Variants in PLEKHA3 observed in about 807,000 individuals in gnomAD.
The protein encoded by PLEKHA3 is pleckstrin homology domain containing A3, also known as pleckstrin homology domain-containing family A member 3.
PLEKHA3 carries 19 observed loss-of-function variants against 39.2 expected under a neutral mutation model. The ratio of observed to expected loss-of-function variants is 0.48; its 90% confidence interval spans 0.34 to 0.71. The LOEUF (loss-of-function observed/expected upper bound fraction) is 0.71, where lower values mean the gene tolerates loss of function less well. PLEKHA3 is among the 30% of genes least tolerant of loss of function. PLEKHA3 has a pLI of 0.01. For missense variants in PLEKHA3, 253 were observed against 359.5 expected, an observed-to-expected ratio of 0.70 and a Z score of 2.40; for synonymous variants, 97 against 118.6, an observed-to-expected ratio of 0.82 and a Z score of 1.18.
rs1189736826 is a variant in PLEKHA3 at position 178,504,672 on chromosome 2, TAAAC to T, written c.*788_*791del. 2.6e-5 allele frequency: 4 copies of T among 152,346 alleles called. No individual in the cohort carries two copies. Among genetic ancestry groups the T allele is most frequent in the African/African-American group, 9.6e-5 (4 of 41,564 alleles). The allele number at this position is 152,346 out of a possible 1,614,324, so 9.4% of individuals were successfully genotyped here. A position where few individuals can be genotyped will look rare whatever the true frequency, so the allele number is the denominator to read the frequency against. ...ACTTTGCTCACTTACACTAGAGAAA[TAAAC>T]AACTTTCAATGGAAGAGAATTTTAG... On this transcript the variant is annotated 3_prime_UTR_variant, in exon 8 of 8. Transcript: ENST00000234453.
intron 1 of PLEKHA3, 91 bp downstream of exon 1, chr2:178,481,000 G>A (rs983510770): frequency 8.4e-7 from 1 of 1,184,454 alleles, no homozygotes; most frequent in African/African-American, 1.6e-5. Context: ...TCTGGCCTCC[G>A]CGGACCCTCA....
rs369220258 is a variant in PLEKHA3, at chr2:178,480,513, G to C, written c.-357G>C. The C allele has an allele frequency of 1.3e-4, 24 of 183,282 alleles. No individual in the cohort carries two copies. The highest frequency in any genetic ancestry group is 5.4e-4 in the African/African-American group (23 of 42,514). 11.4% of individuals were successfully genotyped at this position (183,282 alleles called of 1,614,324 possible). A position where few individuals can be genotyped will look rare whatever the true frequency, so the allele number is the denominator to read the frequency against. On this transcript the variant is annotated 5_prime_UTR_variant, in exon 1 of 8. Transcript: ENST00000234453. ...TGAAAACAAACGGGGAGCCCAGGGG[G>C]AAGGAAGGCAGGCGAGGAAGAGGCA... is the stretch of plus-strand genomic sequence containing the variant.
rs1244069073 is a variant in PLEKHA3 at position 178,514,748 on chromosome 2, A to T, written c.*10861A>T. The T allele has an allele frequency of 2.0e-5, 3 of 151,080 alleles. No individual in the cohort carries two copies. Among genetic ancestry groups the T allele is most frequent in the Non-Finnish European group, 2.9e-5 (2 of 67,866 alleles). 9.4% of individuals were successfully genotyped at this position (151,080 alleles called of 1,614,324 possible). A position where few individuals can be genotyped will look rare whatever the true frequency, so the allele number is the denominator to read the frequency against. On this transcript the variant is annotated 3_prime_UTR_variant, in exon 8 of 8. Transcript: ENST00000234453. ...CAATAGCATATCAGTGCTTTACCTT[A>T]GTCACTTTTTGTGTTTTGATCACCC...
chr2:178,498,433 T>C (rs1289518785), intron 5 of PLEKHA3, among the ~76,000 whole-genome samples: 1 of 152,186 alleles, frequency 6.6e-6, no homozygotes, highest in African/African-American at 2.4e-5. Flanking sequence ...TGTTAGACTC[T>C]TGGGCTCATG....
chr2:178,498,452 A>G (rs1685481286), intron 5 of PLEKHA3, among the ~76,000 whole-genome samples: 1 of 152,226 alleles, frequency 6.6e-6, no homozygotes, highest in African/African-American at 2.4e-5. Flanking sequence ...TGTATACAAA[A>G]GCAACCACCC....
chr2:178,507,658 G>GTTTTTT lies in PLEKHA3; in HGVS notation c.*3802_*3807dup, dbSNP rs35052196. 3.8e-4 allele frequency: 11 copies of GTTTTTT among 28,818 alleles called. 3 individuals are homozygous for GTTTTTT. The highest frequency in any genetic ancestry group is 6.8e-4 in the Non-Finnish European group (8 of 11,752). 1.8% of individuals were successfully genotyped at this position (28,818 alleles called of 1,614,324 possible). A position where few individuals can be genotyped will look rare whatever the true frequency, so the allele number is the denominator to read the frequency against. On this transcript the variant is annotated 3_prime_UTR_variant, in exon 8 of 8. Coordinates refer to ENST00000234453, the MANE Select transcript of PLEKHA3 (RefSeq NM_019091.4). ...CCTTTAGTTTTTAGTCTCACATTAG[G>GTTTTTT]TTTTTTTTTTTTTTTTTTTTTTTTT... is the stretch of plus-strand genomic sequence containing the variant.
intron 5 of PLEKHA3, 62 bp from the exon 6 acceptor site, chr2:178,499,149 T>G: frequency 6.9e-7 from 1 of 1,456,366 alleles, no homozygotes; most frequent in Non-Finnish European, 9.4e-7. Flanking sequence ...AAATTAGAGC[T>G]GCATGATTCT....
At chr2:178,482,749 A>C (rs1482320562) in intron 1 of PLEKHA3, among the ~76,000 whole-genome samples, 1 of 152,140 alleles carries the variant, frequency 6.6e-6, no homozygotes, top group Non-Finnish European at 1.5e-5. Context: ...CCAGGGGTTG[A>C]GCTTTTAATC....
rs1010585006 is a variant in PLEKHA3, at chr2:178,512,594, T to C, written c.*8707T>C. The C allele has an allele frequency of 2.6e-5, 4 of 153,500 alleles. No homozygotes were observed. The highest frequency in any genetic ancestry group is 9.6e-5 in the African/African-American group (4 of 41,454). 9.5% of individuals were successfully genotyped at this position (153,500 alleles called of 1,614,324 possible). A position where few individuals can be genotyped will look rare whatever the true frequency, so the allele number is the denominator to read the frequency against. ...AAAGGAGAGAGAATAGAATCAGCCATCAGGAGCTATAACCACACTCTTCTT... is the reference window on the plus strand; with the variant it reads ...AAAGGAGAGAGAATAGAATCAGCCACCAGGAGCTATAACCACACTCTTCTT... On this transcript the variant is annotated 3_prime_UTR_variant, in exon 8 of 8. Transcript: ENST00000234453.
rs959398366 is a variant in PLEKHA3 at position 178,504,770 on chromosome 2, T to C, written c.*883T>C. 6 of 152,348 alleles carry C rather than the reference T, an allele frequency of 3.9e-5. No individual in the cohort carries two copies. Among genetic ancestry groups the C allele is most frequent in the Non-Finnish European group, 7.4e-5 (5 of 67,856 alleles). The allele number at this position is 152,348 out of a possible 1,614,324, so 9.4% of individuals were successfully genotyped here. A position where few individuals can be genotyped will look rare whatever the true frequency, so the allele number is the denominator to read the frequency against. On this transcript the variant is annotated 3_prime_UTR_variant, in exon 8 of 8. Coordinates refer to ENST00000234453, the MANE Select transcript of PLEKHA3 (RefSeq NM_019091.4). ...GTATTGTTTGCAGCTCTTTCCAATA[T>C]CTAGAGACATTTTTATTTATGAATA... is the stretch of plus-strand genomic sequence containing the variant.
chr2:178,500,229 T>C (rs1685509351), intron 6 of PLEKHA3, among the ~76,000 whole-genome samples: 1 of 152,076 alleles, frequency 6.6e-6, no homozygotes. Flanking sequence ...TAAATGCTGT[T>C]TTGTCATGTT....
chr2:178,491,010 CTTTTT>C (rs1204723389), intron 3 of PLEKHA3, among the ~76,000 whole-genome samples, 196 bp downstream of exon 3: 2 of 129,534 alleles, frequency 1.5e-5, no homozygotes, highest in Admixed American at 8.0e-5. Context: ...CTCTTTCTTT[CTTTTT>C]TTTTTTTTTT....
chr2:178,486,858 G>T (rs1348129877), intron 2 of PLEKHA3, among the ~76,000 whole-genome samples: 1 of 152,208 alleles, frequency 6.6e-6, no homozygotes, highest in Non-Finnish European at 1.5e-5. Context: ...GAACATATGT[G>T]TGCATTTCTG....
chr2:178,498,457 C>A (rs558172235), intron 5 of PLEKHA3, among the ~76,000 whole-genome samples: 53 of 152,236 alleles, frequency 3.5e-4, no homozygotes, highest in Admixed American at 7.8e-4. Flanking sequence ...ACAAAAGCAA[C>A]CACCCTAAAC....
At chr2:178,487,502 G>GA (rs994447383) in intron 2 of PLEKHA3, among the ~76,000 whole-genome samples, 16 of 151,682 alleles carry the variant, frequency 1.1e-4, no homozygotes, top group African/African-American at 3.6e-4. Context: ...GCAGTGGTGT[G>GA]ATCATGGCTC....
In PLEKHA3 at chr2:178,493,960, G is replaced by A. The variant is rs767141901; in HGVS notation, c.421G>A (p.Asp141Asn). Residue 141 changes from aspartate (D) to asparagine (N), a missense_variant, in exon 4 of 8, where the codon GAT (aspartate) becomes AAT (asparagine). Transcript: ENST00000234453. The part of the protein sequence containing the change: ...VHTIQEFVHH[D>N]ENHSSPSAEN... Reference sequence around the variant, plus strand: ...TACAATACAGGAATTTGTTCACCATGATGAGAATCATTCATCTCCTAGTGC... The same window carrying A: ...TACAATACAGGAATTTGTTCACCATAATGAGAATCATTCATCTCCTAGTGC... 1 of 1,614,028 alleles carries A rather than the reference G, an allele frequency of 6.2e-7. No individual in the cohort carries two copies. The highest frequency in any genetic ancestry group is 8.5e-7 in the Non-Finnish European group (1 of 1,179,952).
chr2:178,482,575 A>G (rs979760596), intron 1 of PLEKHA3, among the ~76,000 whole-genome samples: 2 of 150,470 alleles, frequency 1.3e-5, no homozygotes, highest in South Asian at 2.1e-4. Context: ...AAAAAAAGAC[A>G]TTAGCTTGTA....
In PLEKHA3 at chr2:178,509,243, C is replaced by T. The variant is rs1248023645; in HGVS notation, c.*5356C>T. On this transcript the variant is annotated 3_prime_UTR_variant, in exon 8 of 8. Coordinates refer to ENST00000234453, the MANE Select transcript of PLEKHA3 (RefSeq NM_019091.4). ...TTGGTTTGTATGTTTCACTGAAAGT[C>T]TAGATTTAAATTCTAATAGTGTATA... The T allele has an allele frequency of 6.6e-6, 1 of 152,038 alleles. No individual in the cohort carries two copies. Among genetic ancestry groups the T allele is most frequent in the South Asian group, 2.1e-4 (1 of 4,818 alleles). 9.4% of individuals were successfully genotyped at this position (152,038 alleles called of 1,614,324 possible).
chr2:178,491,109 C>T (rs1685336055), intron 3 of PLEKHA3, among the ~76,000 whole-genome samples: 1 of 149,458 alleles, frequency 6.7e-6, no homozygotes, highest in Non-Finnish European at 1.5e-5. Context: ...CTCCTGGGTT[C>T]AAGCGATTCT....
Sources: allele counts gnomAD v4.1 joint callset (sites outside exome capture counted in the v4.1 genomes callset), GRCh38; gene constraint gnomAD v4.1.1; transcripts MANE v1.5; gene names NCBI Gene and HGNC (gene_info 2026-07-23, HGNC 2026-07-21).